The following SDK2 variants were observed in gnomAD, a reference collection of about 807,000 sequenced individuals.
SDK2 encodes the protein protein sidekick-2.
In SDK2, 105 loss-of-function variants were observed where a neutral mutation model predicts 253.9. That is an observed-to-expected ratio of 0.41 (90% CI 0.35 to 0.49). The LOEUF (loss-of-function observed/expected upper bound fraction) is 0.49, where lower values mean the gene tolerates loss of function less well. Ranked by LOEUF, SDK2 falls within the 20% of genes least tolerant of loss-of-function variation. SDK2 has a pLI of 0.06. For missense variants in SDK2, 2,608 were observed against 3,003.0 expected, an observed-to-expected ratio of 0.87 and a Z score of 3.07; for synonymous variants, 1,249 against 1,234.9, an observed-to-expected ratio of 1.01 and a Z score of -0.24.
chr17:73,531,714 G>A (rs1355252931), intron 1 of SDK2, among the ~76,000 whole-genome samples: 1 of 152,166 alleles, frequency 6.6e-6, no homozygotes, highest in Non-Finnish European at 1.5e-5. Flanking sequence ...ATTGCATACA[G>A]GATAAAATAC....
chr17:73,588,842 C>T (rs951692068), intron 1 of SDK2, among the ~76,000 whole-genome samples: 5 of 152,196 alleles, frequency 3.3e-5, no homozygotes, highest in East Asian at 1.9e-4. Context: ...ACCGGACAGG[C>T]GTGGGGCACA....
rs1391833234 is a variant in SDK2, at chr17:73,455,858, C to A, written c.479+48G>T. 2.0e-6 allele frequency: 3 copies of A among 1,501,088 alleles called. No individual in the cohort carries two copies. Among genetic ancestry groups the A allele is most frequent in the African/African-American group, 2.8e-5 (2 of 71,904 alleles). The allele number at this position is 1,501,088 out of a possible 1,614,324, so 93.0% of individuals were successfully genotyped here. ...GACTTTATCTGGCCCCAAACCTCCT[C>A]CCCCAGACACCCCTCCCCTCCCCGT... On this transcript the variant is annotated intron_variant, in intron 4 of 44. Coordinates refer to ENST00000392650, the MANE Select transcript of SDK2 (RefSeq NM_001144952.2). This position sits in a 1 kb window ranked among gnomAD's most constrained non-coding sequence, Gnocchi z 5.0.
intron 12 of SDK2, among the ~76,000 whole-genome samples, chr17:73,427,189 G>T (rs2063290612): frequency 6.6e-6 from 1 of 152,206 alleles, no homozygotes; most frequent in Non-Finnish European, 1.5e-5. Flanking sequence ...AAGTATTTGT[G>T]CCAAAACAAT....
chr17:73,405,783 G>A (rs1218398949), intron 18 of SDK2, among the ~76,000 whole-genome samples: 3 of 149,816 alleles, frequency 2.0e-5, no homozygotes, highest in African/African-American at 7.4e-5. Context: ...GCAGTGGCGC[G>A]ATCTCCGCTC....
At chr17:73,362,301 G>A (rs919357030) in intron 38 of SDK2, among the ~76,000 whole-genome samples, 3 of 152,088 alleles carry the variant, frequency 2.0e-5, no homozygotes, top group East Asian at 1.9e-4. Flanking sequence ...CCAGAGTTGC[G>A]GGGACACACT....
At position 73,390,556 on chromosome 17, in the gene SDK2, G is replaced by A. The variant is rs1036496499; in HGVS notation, c.3998-75C>T. 62 of 1,429,602 alleles carry A rather than the reference G, an allele frequency of 4.3e-5. 1 individual carries two copies. Among genetic ancestry groups the A allele is most frequent in the Non-Finnish European group, 5.3e-5 (56 of 1,055,572 alleles). 88.6% of individuals were successfully genotyped at this position (1,429,602 alleles called of 1,614,324 possible). A position where few individuals can be genotyped will look rare whatever the true frequency, so the allele number is the denominator to read the frequency against. ...CTAGGGCCCCGGGAAGGGTTGTTCC[G>A]TCCAAAGCCACAGCTGTGTCTGTAC... On this transcript the variant is annotated intron_variant, in intron 28 of 44. Transcript: ENST00000392650.
chr17:73,345,178 G>T (rs1451127133), intron 44 of SDK2, among the ~76,000 whole-genome samples: 1 of 152,162 alleles, frequency 6.6e-6, no homozygotes, highest in Non-Finnish European at 1.5e-5. Context: ...AATTAGCTTG[G>T]TGTGGTGGTA....
At chr17:73,462,926 T>C (rs778613330) in intron 3 of SDK2, among the ~76,000 whole-genome samples, 24 of 152,216 alleles carry the variant, frequency 1.6e-4, no homozygotes, top group Non-Finnish European at 2.5e-4. Context: ...AATGTATTTA[T>C]ACATACATAT....
At chr17:73,355,174 A>ATATATGTATTTTTTTTTTT in intron 40 of SDK2, among the ~76,000 whole-genome samples, 1 of 47,224 alleles carries the variant, frequency 2.1e-5, no homozygotes, top group South Asian at 1.8e-3. Context: ...ATATATATAT[A>ATATATGTATTTTTTTTTTT]TTTTTTTTTT....
At chr17:73,626,274 G>GA (rs1287048746) in intron 1 of SDK2, among the ~76,000 whole-genome samples, 1 of 152,242 alleles carries the variant, frequency 6.6e-6, no homozygotes, top group African/African-American at 2.4e-5. Context: ...AGTGACAGAT[G>GA]AATGCGTTGG....
intron 2 of SDK2, among the ~76,000 whole-genome samples, chr17:73,473,807 G>A (rs1229258797): frequency 2.0e-5 from 3 of 152,030 alleles, no homozygotes; most frequent in South Asian, 2.1e-4. Flanking sequence ...TTCTTCTTTT[G>A]CCAAGATTAT....
At chr17:73,442,592 C>T (rs954407206) in intron 5 of SDK2, among the ~76,000 whole-genome samples, 17 of 152,260 alleles carry the variant, frequency 1.1e-4, no homozygotes, top group South Asian at 2.1e-4. Context: ...CCACCCGCCT[C>T]GGCCTCCCAA....
In SDK2 at chr17:73,408,046, C is replaced by CTTTTTTTTTTTTT. The variant is rs373774628; in HGVS notation, c.2485-5906_2485-5905insAAAAAAAAAAAAA. Among the ~76,000 whole-genome samples, 9 of 50,950 alleles carry CTTTTTTTTTTTTT rather than the reference C, an allele frequency of 1.8e-4. 4 individuals are homozygous for CTTTTTTTTTTTTT. Among genetic ancestry groups the CTTTTTTTTTTTTT allele is most frequent in the Non-Finnish European group, 1.2e-4 (3 of 24,352 alleles). The allele number at this position is 50,950 out of a possible 152,430, so 33.4% of individuals were successfully genotyped here. A position where few individuals can be genotyped will look rare whatever the true frequency, so the allele number is the denominator to read the frequency against. ...ACACCATCTAGGAAGTAAAATATTT[C>CTTTTTTTTTTTTT]CTTTTTTTTTTTTTTTTTCTTTTGA... On this transcript the variant is annotated intron_variant, in intron 18 of 44. Coordinates refer to ENST00000392650, the MANE Select transcript of SDK2 (RefSeq NM_001144952.2).
intron 18 of SDK2, among the ~76,000 whole-genome samples, chr17:73,405,467 C>CATATAT (rs1166184210): frequency 1.7e-4 from 1 of 6,036 alleles, no homozygotes; most frequent in African/African-American, 7.3e-4. Context: ...AACAAAAAAC[C>CATATAT]ATATATATAT....
chr17:73,451,563 G>T (rs1029980897), intron 4 of SDK2, among the ~76,000 whole-genome samples: 1 of 152,144 alleles, frequency 6.6e-6, no homozygotes, highest in Non-Finnish European at 1.5e-5. Context: ...AACTTCTATG[G>T]TGTGAAGTCA....
chr17:73,361,258 C>T lies in SDK2; in HGVS notation c.5467+426G>A, dbSNP rs1381629365. ...TTTTAGTGCGCCCTGCTCTGAGAAC[C>T]GCTGCCTGGAGGGTAGGGGTGGTTC... On this transcript the variant is annotated intron_variant, in intron 39 of 44. Transcript: ENST00000392650. This position sits in a 1 kb window ranked among gnomAD's most constrained non-coding sequence, Gnocchi z 4.1. Among the ~76,000 whole-genome samples the T allele has an allele frequency of 6.6e-6, 1 of 152,120 alleles. No individual in the cohort carries two copies. The highest frequency in any genetic ancestry group is 2.1e-4 in the South Asian group (1 of 4,826).
At chr17:73,424,129 G>C (rs1265570956) in intron 12 of SDK2, 37 bp from the exon 13 acceptor site, 8 of 1,571,588 alleles carry the variant, frequency 5.1e-6, no homozygotes, top group Non-Finnish European at 6.9e-6. Context: ...CAGAGGGAGA[G>C]GAAGGTACCT....
intron 4 of SDK2, among the ~76,000 whole-genome samples, chr17:73,450,408 G>A (rs912437120): frequency 6.6e-6 from 1 of 152,196 alleles, no homozygotes; most frequent in Non-Finnish European, 1.5e-5. Context: ...CCACCCCGCA[G>A]ACCGGGACAT....
At chr17:73,563,022 AG>A (rs994942805) in intron 1 of SDK2, among the ~76,000 whole-genome samples, 7 of 152,232 alleles carry the variant, frequency 4.6e-5, no homozygotes, top group Admixed American at 3.9e-4. Context: ...AAGGCAGGGG[AG>A]GGGAAGGACA....
Sources: gnomAD v4.1 joint callset for allele counts (sites outside exome capture counted in the v4.1 genomes callset) on GRCh38, gnomAD v4.1.1 for gene constraint, Gnocchi (gnomAD v3.1) non-coding constraint, MANE v1.5 for transcripts, NCBI Gene and HGNC (gene_info 2026-07-23, HGNC 2026-07-21) for gene names.